MAPK14: variants seen among roughly 807,000 people sequenced by gnomAD.
MAPK14 encodes the protein CSAID-binding protein.
MAPK14 carries 16 observed loss-of-function variants against 49.6 expected under a neutral mutation model. That is an observed-to-expected ratio of 0.32 (90% CI 0.22 to 0.49). The LOEUF is 0.49. MAPK14 is among the 20% of genes least tolerant of loss of function. MAPK14 has a pLI of 0.99. For missense variants in MAPK14, 200 were observed against 441.2 expected, an observed-to-expected ratio of 0.45 and a Z score of 4.90; for synonymous variants, 142 against 158.0, an observed-to-expected ratio of 0.90 and a Z score of 0.76.
intron 1 of MAPK14, among the ~76,000 whole-genome samples, chr6:36,036,809 T>C (rs147744046): frequency 0.019 from 2,908 of 152,282 alleles, 81 homozygotes; most frequent in African/African-American, 0.061. Flanking sequence ...GGCACGATCT[T>C]GGCTCACTGC....
At chr6:36,108,110 C>G (rs989771685) in intron 11 of MAPK14, among the ~76,000 whole-genome samples, 25 of 152,182 alleles carry the variant, frequency 1.6e-4, no homozygotes, top group African/African-American at 6.0e-4. Flanking sequence ...TGTGAGAGTG[C>G]TCTTTCATTC....
chr6:36,029,122 G>A (rs1762433955), intron 1 of MAPK14: 1 of 151,958 alleles, frequency 6.6e-6, no homozygotes, highest in African/African-American at 2.4e-5. Context: ...GATCTGTAAG[G>A]CGCCCTCAAG....
In MAPK14 at chr6:36,072,068, TAGTTAA is replaced by T. The variant is rs199870959; in HGVS notation, c.306-799_306-794del. Among the ~76,000 whole-genome samples, 429 of 152,088 alleles carry T rather than the reference TAGTTAA, an allele frequency of 2.8e-3. 4 individuals are homozygous for T. The highest frequency in any genetic ancestry group is 9.7e-3 in the African/African-American group (404 of 41,470). On this transcript the variant is annotated intron_variant, in intron 3 of 11. Coordinates refer to ENST00000229794, the MANE Select transcript of MAPK14 (RefSeq NM_139012.3). Reference sequence around the variant, plus strand: ...GTAAATGTTTAGAACAGATGGCAGGTAGTTAAAGTTAGAATAGTAATGTTGGGAGGC... The same window carrying T: ...GTAAATGTTTAGAACAGATGGCAGGTAGTTAGAATAGTAATGTTGGGAGGC...
At chr6:36,082,238 C>G (rs1482296193) in intron 8 of MAPK14, among the ~76,000 whole-genome samples, 1 of 152,204 alleles carries the variant, frequency 6.6e-6, no homozygotes, top group East Asian at 1.9e-4. Context: ...AATGTAATGG[C>G]TCTGTCTAGA....
In MAPK14 at chr6:36,028,177, C is replaced by T; in HGVS notation, c.20C>T (p.Thr7Met). The change falls in exon 1 of 12, where the codon ACG becomes ATG. Residue 7 changes from threonine to methionine, a missense_variant. Thr to Met is a moderately conservative substitution (Grantham distance 81). This residue lies in a region of MAPK14 where 30 missense variants were observed against 34.2 expected (regional missense o/e 0.88). Transcript: ENST00000229794. This position sits in a 1 kb window ranked among gnomAD's most constrained non-coding sequence, Gnocchi z 5.1. Reference protein sequence around the residue: MSQERPTFYRQELNKTI... With the variant: MSQERPMFYRQELNKTI... ...TGGAAAATGTCTCAGGAGAGGCCCA[C>T]GTTCTACCGGCAGGAGCTGAACAAG... 1 of 1,613,384 alleles carries T rather than the reference C, an allele frequency of 6.2e-7. No individual in the cohort carries two copies. Among genetic ancestry groups the T allele is most frequent in the Admixed American group, 1.7e-5 (1 of 59,996 alleles).
intron 3 of MAPK14, among the ~76,000 whole-genome samples, chr6:36,062,743 C>T (rs149282631): frequency 1.1e-4 from 16 of 151,194 alleles, no homozygotes; most frequent in South Asian, 2.1e-4. Context: ...CTGCAACCTC[C>T]GCCTCCCAGG....
intron 3 of MAPK14, among the ~76,000 whole-genome samples, chr6:36,064,436 A>G (rs982995984): frequency 6.6e-6 from 1 of 152,098 alleles, no homozygotes; most frequent in Non-Finnish European, 1.5e-5. Flanking sequence ...TTATTTTACA[A>G]GTTCCCATCC....
At chr6:36,056,043 A>T (rs1368323863) in intron 2 of MAPK14, among the ~76,000 whole-genome samples, 1 of 152,084 alleles carries the variant, frequency 6.6e-6, no homozygotes, top group Non-Finnish European at 1.5e-5. Context: ...CTTTTTAGGA[A>T]ATTAAAATTT....
chr6:36,050,111 C>T (rs1455349274), intron 1 of MAPK14, among the ~76,000 whole-genome samples: 2 of 152,184 alleles, frequency 1.3e-5, no homozygotes, highest in African/African-American at 2.4e-5. Context: ...GAATGAAAAT[C>T]TGATTCTACA....
intron 1 of MAPK14, among the ~76,000 whole-genome samples, chr6:36,032,295 A>G (rs1022702695): frequency 3.9e-5 from 6 of 152,174 alleles, no homozygotes; most frequent in Non-Finnish European, 8.8e-5. Context: ...CCAACTATGA[A>G]TCAAAATAGA....
Position 36,091,536 on chromosome 6 carries a change from C to T in MAPK14, c.683-4451C>T, listed in dbSNP as rs1765228758. Among the ~76,000 whole-genome samples the T allele has an allele frequency of 2.0e-5, 3 of 152,154 alleles. No individual in the cohort carries two copies. In the South Asian group the frequency reaches 6.2e-4, roughly 32 times the overall value. ...TGATGTGGTGAGTTTTGCTTTACTC[C>T]GCTAATGTGGCTACGTGACGCTCCT... On this transcript the variant is annotated intron_variant, in intron 8 of 11. Coordinates refer to ENST00000229794, the MANE Select transcript of MAPK14 (RefSeq NM_139012.3).
chr6:36,086,864 C>A (rs145482616), intron 8 of MAPK14, among the ~76,000 whole-genome samples: 1 of 152,258 alleles, frequency 6.6e-6, no homozygotes, highest in East Asian at 1.9e-4. Context: ...GGCCAATATC[C>A]CTGATGAACA....
intron 1 of MAPK14, among the ~76,000 whole-genome samples, chr6:36,034,930 G>C (rs982896395): frequency 3.3e-5 from 4 of 122,400 alleles, no homozygotes; most frequent in Non-Finnish European, 6.4e-5. Flanking sequence ...ACGGAGTTCT[G>C]CTCTGTCGCC....
intron 1 of MAPK14, among the ~76,000 whole-genome samples, chr6:36,041,085 T>C (rs949460170): frequency 6.6e-6 from 1 of 152,184 alleles, no homozygotes; most frequent in Non-Finnish European, 1.5e-5. Flanking sequence ...TTTAGGCACA[T>C]TATGTATTCT....
intron 2 of MAPK14, 59 bp downstream of exon 2, chr6:36,052,887 T>A: frequency 6.8e-7 from 1 of 1,478,068 alleles, no homozygotes; most frequent in East Asian, 2.3e-5. Context: ...GGGAAAAATG[T>A]TTTAATTACT....
chr6:36,076,043 G>C, intron 7 of MAPK14, 81 bp downstream of exon 7: 1 of 1,417,590 alleles, frequency 7.1e-7, no homozygotes, highest in South Asian at 1.2e-5. Flanking sequence ...AGAGATGGTG[G>C]GAGTGGGAAG....
chr6:36,047,641 A>G (rs1263538769), intron 1 of MAPK14, among the ~76,000 whole-genome samples: 1 of 152,140 alleles, frequency 6.6e-6, no homozygotes, highest in African/African-American at 2.4e-5. Context: ...ATGGCGCACC[A>G]CAACAAGGTT....
chr6:36,059,387 A>C, intron 3 of MAPK14, 40 bp downstream of exon 3: 1 of 1,339,854 alleles, frequency 7.5e-7, no homozygotes, highest in Non-Finnish European at 1.1e-6. Flanking sequence ...GGTCTACAGA[A>C]TGAAGACTAA....
chr6:36,050,945 T>G (rs944762669), intron 1 of MAPK14, among the ~76,000 whole-genome samples: 1 of 151,974 alleles, frequency 6.6e-6, no homozygotes, highest in South Asian at 2.1e-4. Flanking sequence ...CCATAAAAGT[T>G]TGGGAGTGAA....
Sources: allele counts gnomAD v4.1 joint callset (sites outside exome capture counted in the v4.1 genomes callset), GRCh38; gene constraint gnomAD v4.1.1; regional missense constraint gnomAD v4.1.1; non-coding constraint Gnocchi (gnomAD v3.1); transcripts MANE v1.5; gene names NCBI Gene and HGNC (gene_info 2026-07-23, HGNC 2026-07-21).